The following CLCN3 variants were observed in gnomAD, a reference collection of about 807,000 sequenced individuals.
CLCN3 encodes Cl-/H+ antiporter 3.
In CLCN3, 16 loss-of-function variants were observed where a neutral mutation model predicts 83.4. The ratio of observed to expected loss-of-function variants is 0.19; its 90% CI spans 0.13 to 0.29. The LOEUF (loss-of-function observed/expected upper bound fraction) is 0.29. Ranked by LOEUF, CLCN3 falls within the 10% of genes least tolerant of loss-of-function variation. CLCN3 has a pLI of 1.00. For synonymous variants in CLCN3, 322 were observed against 346.2 expected, an observed-to-expected ratio of 0.93 and a Z score of 0.78; for missense variants, 544 against 1,006.0, an observed-to-expected ratio of 0.54 and a Z score of 6.21.
intron 2 of CLCN3, among the ~76,000 whole-genome samples, chr4:169,661,945 T>C (rs1411050586): frequency 2.0e-5 from 3 of 152,156 alleles, no homozygotes; most frequent in Non-Finnish European, 4.4e-5. Flanking sequence ...AATTAAACTG[T>C]AAAACAAGAC....
In CLCN3 at chr4:169,707,267, G is replaced by A. The variant is rs542121851; in HGVS notation, c.2149+1G>A. On this transcript the variant is annotated splice_donor_variant, in intron 11 of 12. Coordinates refer to ENST00000513761, the MANE Select transcript of CLCN3 (RefSeq NM_001829.4). LOFTEE classifies it high-confidence loss of function. ...AGAAGAGACCTGACAATTGCAATAG[G>A]TACCCTTTCAAAAATATATATATGT... 6.3e-7 allele frequency: 1 copy of A among 1,581,248 alleles called. No homozygotes were observed. Among genetic ancestry groups the A allele is most frequent in the Non-Finnish European group, 8.6e-7 (1 of 1,166,176 alleles).
intron 10 of CLCN3, among the ~76,000 whole-genome samples, chr4:169,705,216 G>C (rs1467062941): frequency 6.6e-6 from 1 of 152,196 alleles, no homozygotes; most frequent in African/African-American, 2.4e-5. Context: ...CTTTGTTGAA[G>C]ATTATAATGT....
At chr4:169,701,967 TTTG>T (rs1235472753) in intron 9 of CLCN3, among the ~76,000 whole-genome samples, 1 of 152,124 alleles carries the variant, frequency 6.6e-6, no homozygotes, top group African/African-American at 2.4e-5. Flanking sequence ...ACCTGAGGTG[TTTG>T]TTGCTTACCA....
At chr4:169,688,917 A>G (rs1732260340) in intron 4 of CLCN3, 126 bp from the exon 5 acceptor site, 9 of 657,960 alleles carry the variant, frequency 1.4e-5, no homozygotes. Flanking sequence ...TCTTAAATTT[A>G]TATGTAGTTC....
At chr4:169,631,351 A>G (rs1773364428) in intron 1 of CLCN3, among the ~76,000 whole-genome samples, 1 of 152,096 alleles carries the variant, frequency 6.6e-6, no homozygotes, top group Non-Finnish European at 1.5e-5. Flanking sequence ...CAGTGGCGCA[A>G]TCTCGGCTCA....
Position 169,713,111 on chromosome 4 carries a change from G to C in CLCN3, c.2182G>C (p.Gly728Arg). The C allele has an allele frequency of 6.2e-7, 1 of 1,614,082 alleles. No homozygotes were observed. Among genetic ancestry groups the C allele is most frequent in the South Asian group, 1.1e-5 (1 of 91,074 alleles). The change falls in exon 12 of 13, where the codon GGC becomes CGC. Residue 728 changes from glycine (G) to arginine (R), a missense_variant. Around this residue, in one of 6 missense-constraint regions of CLCN3, gnomAD observed 142 missense variants for 225.0 expected, o/e 0.63. Coordinates refer to ENST00000513761, the MANE Select transcript of CLCN3 (RefSeq NM_001829.4). ...SARKKQEGIVGSSRVCFAQHT... is the reference protein window; with the variant it reads ...SARKKQEGIVRSSRVCFAQHT... ...CAGGAAAAAACAAGAAGGTATCGTT[G>C]GCAGTTCTCGGGTGTGTTTTGCACA...
At chr4:169,668,620 T>A (rs1240676225) in intron 2 of CLCN3, among the ~76,000 whole-genome samples, 1 of 152,164 alleles carries the variant, frequency 6.6e-6, no homozygotes, top group Non-Finnish European at 1.5e-5. Context: ...AGAAAAGTGA[T>A]CTTTTTTCCA....
chr4:169,663,093 A>G (rs552728902), intron 2 of CLCN3: 10 of 151,768 alleles, frequency 6.6e-5, no homozygotes, highest in African/African-American at 2.2e-4. Flanking sequence ...AATTATTTAA[A>G]TATTTAATTG....
intron 2 of CLCN3, among the ~76,000 whole-genome samples, chr4:169,637,236 C>T (rs1730237071): frequency 6.6e-6 from 1 of 151,972 alleles, no homozygotes; most frequent in Non-Finnish European, 1.5e-5. Context: ...ATTATGAATC[C>T]TTTTTCAGAT....
intron 2 of CLCN3, among the ~76,000 whole-genome samples, chr4:169,648,573 C>T (rs180758172): frequency 3.0e-4 from 45 of 152,256 alleles, no homozygotes; most frequent in Admixed American, 2.5e-3. Context: ...AATTATTAGA[C>T]TCCTTTGTGG....
intron 2 of CLCN3, among the ~76,000 whole-genome samples, chr4:169,642,515 G>A (rs1213460819): frequency 6.6e-6 from 1 of 151,732 alleles, no homozygotes; most frequent in Non-Finnish European, 1.5e-5. Context: ...TTTTGAGATG[G>A]GATCTGGCTC....
At chr4:169,688,601 GAT>G (rs1732249763) in intron 4 of CLCN3, among the ~76,000 whole-genome samples, 1 of 151,938 alleles carries the variant, frequency 6.6e-6, no homozygotes, top group African/African-American at 2.4e-5. Context: ...AAATAATCTT[GAT>G]ATATGGTTTT....
At chr4:169,639,168 C>A (rs760105486) in intron 2 of CLCN3, among the ~76,000 whole-genome samples, 45 of 152,080 alleles carry the variant, frequency 3.0e-4, no homozygotes, top group Admixed American at 1.2e-3. Flanking sequence ...TAGCTAGGAC[C>A]ACAGTTGCAC....
intron 1 of CLCN3, among the ~76,000 whole-genome samples, chr4:169,622,497 TC>T (rs1303528379): frequency 1.3e-5 from 2 of 152,330 alleles, no homozygotes; most frequent in South Asian, 4.1e-4. Context: ...TTGTAGAACT[TC>T]CAACTTAGTT....
rs1467309866 is a variant in CLCN3 at position 169,660,333 on chromosome 4, CT to C, written c.161-19712del. 11 of 1,375,260 alleles carry C rather than the reference CT, an allele frequency of 8.0e-6. No homozygotes were observed. The South Asian group carries it at 2.0e-4, about 25-fold the overall frequency. 85.2% of individuals were successfully genotyped at this position (1,375,260 alleles called of 1,614,324 possible). ...TTCTTTTTAAGCTAGCAAGCTTTTT[CT>C]TTTTCTTTTTCTTCTTCTATTTAAA... On this transcript the variant is annotated intron_variant, in intron 2 of 12. Coordinates refer to ENST00000513761, the MANE Select transcript of CLCN3 (RefSeq NM_001829.4).
rs184287915 is a variant in CLCN3, at chr4:169,717,983, A to G, written c.2367-1924A>G. 499 of 588,280 alleles carry G rather than the reference A, an allele frequency of 8.5e-4. 1 individual carries two copies. Among genetic ancestry groups the G allele is most frequent in the African/African-American group, 7.5e-3 (410 of 54,310 alleles). The allele number at this position is 588,280 out of a possible 1,614,324, so 36.4% of individuals were successfully genotyped here. A position where few individuals can be genotyped will look rare whatever the true frequency, so the allele number is the denominator to read the frequency against. The stretch of plus-strand genomic sequence containing the variant: ...ATCTGCTGAACAAAAATATCCTACT[A>G]TGCTGCCAATTACATTTGTATCTGA... On this transcript the variant is annotated intron_variant, in intron 12 of 12. Transcript: ENST00000513761.
At chr4:169,664,258 G>C (rs1424753251) in intron 2 of CLCN3, among the ~76,000 whole-genome samples, 1 of 152,044 alleles carries the variant, frequency 6.6e-6, no homozygotes, top group Non-Finnish European at 1.5e-5. Flanking sequence ...ATAAAAGTTT[G>C]GGGTCTTATT....
chr4:169,632,660 T>C (rs1773404352), intron 1 of CLCN3, among the ~76,000 whole-genome samples: 2 of 129,326 alleles, frequency 1.5e-5, no homozygotes, highest in Non-Finnish European at 3.1e-5. Flanking sequence ...GAGTTTGCAG[T>C]GAGCAGCGAT....
At chr4:169,710,277 T>G (rs954782377) in intron 11 of CLCN3, among the ~76,000 whole-genome samples, 3 of 152,184 alleles carry the variant, frequency 2.0e-5, no homozygotes, top group Non-Finnish European at 4.4e-5. Flanking sequence ...AGTGATTTAT[T>G]TTTTTGAGAC....
Sources: gnomAD v4.1 joint callset for allele counts (sites outside exome capture counted in the v4.1 genomes callset) on GRCh38, gnomAD v4.1.1 for gene constraint, gnomAD v4.1.1 regional missense constraint, MANE v1.5 for transcripts, NCBI Gene and HGNC (gene_info 2026-07-23, HGNC 2026-07-21) for gene names.